The following SHANK2 variants were observed in gnomAD, a reference collection of about 807,000 sequenced individuals.
SHANK2 encodes SH3 and multiple ankyrin repeat domains protein 2.
Under a neutral mutation model 133.7 loss-of-function variants are expected in SHANK2, and 43 were observed. That is an observed-to-expected ratio of 0.32 (90% confidence interval 0.25 to 0.41). SHANK2 has a LOEUF of 0.41. Ranked by LOEUF, SHANK2 falls within the 10% of genes least tolerant of loss-of-function variation. The pLI is 1.00. For synonymous variants in SHANK2, 1,017 were observed against 952.8 expected, an observed-to-expected ratio of 1.07 and a Z score of -1.24; for missense variants, 1,994 against 2,235.8, an observed-to-expected ratio of 0.89 and a Z score of 2.18.
intron 15 of SHANK2, among the ~76,000 whole-genome samples, chr11:70,670,420 G>A (rs373981422): frequency 4.6e-5 from 7 of 152,350 alleles, no homozygotes; most frequent in East Asian, 1.9e-4. Context: ...AGGTGTCCCA[G>A]CTCAGCGGAG....
intron 11 of SHANK2, among the ~76,000 whole-genome samples, chr11:70,838,213 A>T (rs548238415): frequency 1.3e-5 from 2 of 152,208 alleles, no homozygotes; most frequent in South Asian, 4.2e-4. Context: ...TGCTCAGGAC[A>T]CAACAGAAGA....
intron 13 of SHANK2, 65 bp from the exon 14 acceptor site, chr11:70,798,621 A>G: frequency 1.4e-6 from 1 of 709,056 alleles, no homozygotes; most frequent in Admixed American, 2.0e-5. Flanking sequence ...GTTGAACAAG[A>G]CGAGTGGGGC....
chr11:70,532,358 C>T (rs1468536212), intron 17 of SHANK2, among the ~76,000 whole-genome samples: 1 of 152,162 alleles, frequency 6.6e-6, no homozygotes, highest in Non-Finnish European at 1.5e-5. Flanking sequence ...CTCTGCCCCC[C>T]ATGCTGTGCA....
chr11:70,866,502 C>T (rs368467599), intron 11 of SHANK2, among the ~76,000 whole-genome samples: 1 of 152,152 alleles, frequency 6.6e-6, no homozygotes, highest in East Asian at 1.9e-4. Flanking sequence ...AGAAGGAGTC[C>T]AAGTGTTCTT....
chr11:70,750,842 G>A (rs1946737751), intron 14 of SHANK2, among the ~76,000 whole-genome samples: 1 of 152,148 alleles, frequency 6.6e-6, no homozygotes. Context: ...ATTTGACGTT[G>A]GAAACCATGC....
At chr11:71,213,597 T>C (rs187367846) in intron 2 of SHANK2, among the ~76,000 whole-genome samples, 5 of 152,250 alleles carry the variant, frequency 3.3e-5, no homozygotes, top group African/African-American at 1.2e-4. Flanking sequence ...TAGACCTAAA[T>C]AGCATTGTTG....
intron 14 of SHANK2, among the ~76,000 whole-genome samples, chr11:70,792,034 T>C (rs1305800162): frequency 6.6e-6 from 1 of 152,214 alleles, no homozygotes; most frequent in Non-Finnish European, 1.5e-5. Context: ...AAACTATTCA[T>C]GGAACTAAGC....
At chr11:70,784,629 C>T (rs938224404) in intron 14 of SHANK2, among the ~76,000 whole-genome samples, 1 of 152,058 alleles carries the variant, frequency 6.6e-6, no homozygotes, top group Admixed American at 6.6e-5. Flanking sequence ...AGTTCTAATC[C>T]GCATTTGCCA....
intron 9 of SHANK2, among the ~76,000 whole-genome samples, chr11:71,073,792 T>C (rs1951181926): frequency 6.6e-6 from 1 of 152,166 alleles, no homozygotes; most frequent in African/African-American, 2.4e-5. Flanking sequence ...CATGTGATGG[T>C]GCCACGCATG....
intron 17 of SHANK2, among the ~76,000 whole-genome samples, chr11:70,541,208 A>T (rs996533511): frequency 3.3e-5 from 5 of 152,150 alleles, no homozygotes; most frequent in Non-Finnish European, 5.9e-5. Context: ...CCTGATCGGG[A>T]TACACCACAT....
At chr11:71,123,518 G>A (rs529194174) in intron 3 of SHANK2, among the ~76,000 whole-genome samples, 1 of 152,284 alleles carries the variant, frequency 6.6e-6, no homozygotes, top group Admixed American at 6.5e-5. Context: ...AGGAGAGGGA[G>A]GGAGGCAAAG....
rs1555094990 is a variant in SHANK2, at chr11:71,094,661, A to T, written c.620T>A (p.Leu207Gln). The T allele has an allele frequency of 7.1e-6, 11 of 1,551,884 alleles. No individual in the cohort carries two copies. Among genetic ancestry groups the T allele is most frequent in the Non-Finnish European group, 7.8e-6 (9 of 1,147,004 alleles). ...GETPLTLAAQ[L>Q]DDSVEVIKAL... ...TTTGATGACCTCCACAGAGTCGTCC[A>T]GCTGAGCGGCTAAGGTCAGGGGGGT... is the stretch of plus-strand genomic sequence containing the variant. The change falls in exon 7 of 26, where the codon CTG (leucine) becomes CAG (glutamine). Residue 207 changes from leucine to glutamine, a missense_variant. Around this residue, in one of 5 missense-constraint regions of SHANK2, gnomAD observed 653 missense variants for 563.4 expected, o/e 1.16. Coordinates refer to ENST00000601538, the MANE Select transcript of SHANK2 (RefSeq NM_012309.5).
At chr11:71,218,199 A>G (rs1555120365) in intron 2 of SHANK2, among the ~76,000 whole-genome samples, 2 of 152,014 alleles carry the variant, frequency 1.3e-5, no homozygotes. Context: ...TTTATAAAAT[A>G]AAAAAGTTAC....
chr11:71,116,536 G>A (rs1951982758), intron 4 of SHANK2, among the ~76,000 whole-genome samples: 1 of 152,264 alleles, frequency 6.6e-6, no homozygotes, highest in African/African-American at 2.4e-5. Flanking sequence ...GCTGCTGACA[G>A]CAGCTCAAAG....
At chr11:70,779,531 C>T (rs575214913) in intron 14 of SHANK2, among the ~76,000 whole-genome samples, 2 of 152,040 alleles carry the variant, frequency 1.3e-5, no homozygotes, top group South Asian at 2.1e-4. Context: ...GATGTTTTGC[C>T]GAGGGTTTAT....
intron 10 of SHANK2, among the ~76,000 whole-genome samples, chr11:70,928,687 G>A (rs536797044): frequency 1.3e-5 from 2 of 152,028 alleles, no homozygotes; most frequent in African/African-American, 4.8e-5. Context: ...GGGATCCATG[G>A]GGCAGAATTA....
At chr11:70,884,509 T>G (rs955297400) in intron 11 of SHANK2, among the ~76,000 whole-genome samples, 7 of 152,210 alleles carry the variant, frequency 4.6e-5, no homozygotes, top group Non-Finnish European at 8.8e-5. Flanking sequence ...AGCCCTGCCT[T>G]GGACCACACC....
chr11:71,238,930 G>C (rs1954856058), intron 1 of SHANK2, among the ~76,000 whole-genome samples: 1 of 152,224 alleles, frequency 6.6e-6, no homozygotes, highest in Non-Finnish European at 1.5e-5. Context: ...ACACACCTGT[G>C]GGTGTTTCTC....
At chr11:70,674,033 C>T (rs1333399665) in intron 15 of SHANK2, among the ~76,000 whole-genome samples, 1 of 152,182 alleles carries the variant, frequency 6.6e-6, no homozygotes, top group Non-Finnish European at 1.5e-5. Context: ...TGGTTCCATT[C>T]TCCCGGGGCT....
Sources: allele counts gnomAD v4.1 joint callset (sites outside exome capture counted in the v4.1 genomes callset), GRCh38; gene constraint gnomAD v4.1.1; regional missense constraint gnomAD v4.1.1; transcripts MANE v1.5; gene names NCBI Gene and HGNC (gene_info 2026-07-23, HGNC 2026-07-21).